The following EXOSC10 variants were observed in gnomAD, a reference collection of about 807,000 sequenced individuals.
EXOSC10 encodes exosome complex component 10.
EXOSC10 carries 94 observed loss-of-function variants against 126.6 expected under a neutral mutation model. That is an observed-to-expected ratio of 0.74 (90% confidence interval 0.63 to 0.88). EXOSC10 has a LOEUF of 0.88. Among genes scored for constraint, EXOSC10 ranks in the 40% least tolerant of loss-of-function variants. The pLI is 0.00. For synonymous variants in EXOSC10, 395 were observed against 400.8 expected (o/e 0.99, Z 0.17); for missense variants, 1,041 against 1,100.5 (o/e 0.95, Z 0.77).
intron 17 of EXOSC10, among the ~76,000 whole-genome samples, chr1:11,076,060 G>C (rs929240949): frequency 2.6e-5 from 4 of 151,530 alleles, no homozygotes; most frequent in Non-Finnish European, 2.9e-5. Flanking sequence ...AGCTACTAGG[G>C]AAGCTGAGGC....
Position 11,077,390 on chromosome 1 carries a change from A to C in EXOSC10, c.1854T>G (p.Asp618Glu). Residue 618 changes from aspartate (D) to glutamate (E), a missense_variant, in exon 16 of 25, where the codon GAT becomes GAG. By Grantham distance (45) the Asp-to-Glu change is conservative. Transcript: ENST00000376936. The stretch of plus-strand genomic sequence containing the variant: ...CACTGGTTGGGATGATTGGATAGCC[A>C]TCCGGAGGGGCATGGGAGCAGTCGT... Reference protein sequence around the residue: ...GPHDCSHAPPDGYPIIPTSGS... With the variant: ...GPHDCSHAPPEGYPIIPTSGS... The C allele has an allele frequency of 3.7e-6, 6 of 1,613,286 alleles. No homozygotes were observed. Among genetic ancestry groups the C allele is most frequent in the Non-Finnish European group, 5.1e-6 (6 of 1,179,342 alleles).
chr1:11,069,499 T>C (rs1639327371), intron 22 of EXOSC10, 60 bp downstream of exon 22: 2 of 1,563,622 alleles, frequency 1.3e-6, no homozygotes, highest in Non-Finnish European at 1.7e-6. Flanking sequence ...GGTCTCTTTA[T>C]GGCTTCCTCC....
chr1:11,094,587 C>A (rs1640968647), intron 3 of EXOSC10, among the ~76,000 whole-genome samples: 1 of 151,044 alleles, frequency 6.6e-6, no homozygotes, highest in Admixed American at 6.6e-5. Context: ...AGGCGTGAAC[C>A]ACCATGCCAG....
intron 24 of EXOSC10, among the ~76,000 whole-genome samples, chr1:11,067,349 G>C (rs1338192640): frequency 6.6e-6 from 1 of 151,752 alleles, no homozygotes; most frequent in Non-Finnish European, 1.5e-5. Flanking sequence ...GGAGAATGGC[G>C]TGAACCCGGG....
At chr1:11,067,292 C>T (rs1639152752) in intron 24 of EXOSC10, among the ~76,000 whole-genome samples, 1 of 152,134 alleles carries the variant, frequency 6.6e-6, no homozygotes, top group Non-Finnish European at 1.5e-5. Context: ...ATTAGCCGGG[C>T]ATCATGGCGG....
intron 3 of EXOSC10, among the ~76,000 whole-genome samples, chr1:11,094,844 C>A (rs185118488): frequency 2.0e-5 from 3 of 152,000 alleles, no homozygotes; most frequent in African/African-American, 7.2e-5. Context: ...CAGGTGATCA[C>A]CCGCCTTGGC....
chr1:11,075,461 C>A (rs995617961), intron 17 of EXOSC10, among the ~76,000 whole-genome samples: 1 of 152,126 alleles, frequency 6.6e-6, no homozygotes, highest in Non-Finnish European at 1.5e-5. Context: ...TGCAGGGAGA[C>A]CACAGCCTCC....
intron 4 of EXOSC10, 58 bp downstream of exon 4, chr1:11,091,435 C>T (rs1253937278): frequency 1.4e-6 from 2 of 1,452,454 alleles, no homozygotes; most frequent in Admixed American, 3.8e-5. Context: ...TTAGAATGAG[C>T]AAAATCTCTG....
intron 3 of EXOSC10, 63 bp downstream of exon 3, chr1:11,095,695 C>T: frequency 6.6e-7 from 1 of 1,510,818 alleles, no homozygotes. Context: ...GCCTGGGCGA[C>T]AGAGCGAGAC....
At position 11,098,111 on chromosome 1, in the gene EXOSC10, G is replaced by A. The variant is rs1253109975; in HGVS notation, c.157C>T (p.Leu53=). The A allele has an allele frequency of 6.2e-7, 1 of 1,612,878 alleles. No individual in the cohort carries two copies. The highest frequency in any genetic ancestry group is 8.5e-7 in the Non-Finnish European group (1 of 1,179,690). The change falls in exon 2 of 25, where the codon CTA becomes TTA. Residue 53 remains leucine, a synonymous_variant. Coordinates refer to ENST00000376936, the MANE Select transcript of EXOSC10 (RefSeq NM_001001998.3). ...VVAVTKASGG[L]PQFGDEYDFY... ...TCATACTCATCGCCAAACTGTGGTA[G>A]GCCCCCAGATGCCTTGGTGACTGCC... is the stretch of plus-strand genomic sequence containing the variant.
In EXOSC10 at chr1:11,066,643, T is replaced by A. The variant is rs1639111618; in HGVS notation, c.*75A>T. 1.3e-6 allele frequency: 2 copies of A among 1,522,946 alleles called. No individual in the cohort carries two copies. Among genetic ancestry groups the A allele is most frequent in the Admixed American group, 1.7e-5 (1 of 59,412 alleles). 94.3% of individuals were successfully genotyped at this position (1,522,946 alleles called of 1,614,324 possible). ...TTTCTTCAGGAAGAATTTTAATGGT[T>A]TAAAAATATGTATGTACAAAAGCAG... is the stretch of plus-strand genomic sequence containing the variant. On this transcript the variant is annotated 3_prime_UTR_variant, in exon 25 of 25. Transcript: ENST00000376936.
intron 2 of EXOSC10, 87 bp from the exon 3 acceptor site, chr1:11,095,968 T>A: frequency 1.1e-5 from 15 of 1,339,888 alleles, no homozygotes; most frequent in Middle Eastern, 1.9e-4. Context: ...ATGATGTGGC[T>A]CAGACTGTTC....
At position 11,080,563 on chromosome 1, in the gene EXOSC10, A is replaced by AAAACAC. The variant is rs763871842; in HGVS notation, c.1587-15_1587-14insGTGTTT. 1.2e-4 allele frequency: 167 copies of AAAACAC among 1,423,194 alleles called. No individual in the cohort carries two copies. The East Asian group carries it at 2.6e-3, about 22-fold the overall frequency. The allele number at this position is 1,423,194 out of a possible 1,614,324, so 88.2% of individuals were successfully genotyped here. On this transcript the variant is annotated splice_polypyrimidine_tract_variant and intron_variant, in intron 12 of 24. Coordinates refer to ENST00000376936, the MANE Select transcript of EXOSC10 (RefSeq NM_001001998.3). The stretch of plus-strand genomic sequence containing the variant: ...GGCAGTACATATCTGGAAAAAAAAA[A>AAAACAC]ACACACACACACACACACACACACA...
intron 6 of EXOSC10, 71 bp from the exon 7 acceptor site, chr1:11,088,269 T>C (rs537665175): frequency 2.7e-6 from 3 of 1,118,042 alleles, no homozygotes; most frequent in South Asian, 2.8e-5. Flanking sequence ...TAATGCCTTT[T>C]ATCCAATCTG....
At chr1:11,068,488 G>A in intron 23 of EXOSC10, 157 bp downstream of exon 23, 2 of 642,272 alleles carry the variant, frequency 3.1e-6, no homozygotes, top group Non-Finnish European at 5.6e-6. Context: ...GAGTTGCTGG[G>A]GTAGCTGATC....
Position 11,077,670 on chromosome 1 carries a change from G to C in EXOSC10, c.1750-19C>G, listed in dbSNP as rs746524992. On this transcript the variant is annotated intron_variant, in intron 14 of 24. Transcript: ENST00000376936. Reference sequence around the variant, plus strand: ...CTTCAGACTAAGGAAAAAAACGAAGGGAATTGAGGAAAGTTGCCCAAGCAC... The same window carrying C: ...CTTCAGACTAAGGAAAAAAACGAAGCGAATTGAGGAAAGTTGCCCAAGCAC... 6.3e-7 allele frequency: 1 copy of C among 1,598,678 alleles called. No individual in the cohort carries two copies. The highest frequency in any genetic ancestry group is 8.6e-7 in the Non-Finnish European group (1 of 1,168,830).
At chr1:11,086,372 T>G (rs1403579627) in intron 9 of EXOSC10, among the ~76,000 whole-genome samples, 1 of 152,214 alleles carries the variant, frequency 6.6e-6, no homozygotes, top group African/African-American at 2.4e-5. Context: ...GTCGAGGAAT[T>G]TATCCATTTC....
Position 11,087,383 on chromosome 1 carries a change from T to C in EXOSC10, c.1089+65A>G, listed in dbSNP as rs1313118720. The C allele has an allele frequency of 5.1e-6, 8 of 1,582,852 alleles. No homozygotes were observed. In the Admixed American group the frequency reaches 6.7e-5, roughly 13 times the overall value. ...GGTCTAGGTTGAAATAATGAAATAG[T>C]ACACTGAAAAGCACTAAAAATCTTG... On this transcript the variant is annotated intron_variant, in intron 9 of 24. Coordinates refer to ENST00000376936, the MANE Select transcript of EXOSC10 (RefSeq NM_001001998.3).
At chr1:11,076,352 A>C (rs906922132) in intron 17 of EXOSC10, among the ~76,000 whole-genome samples, 6 of 152,104 alleles carry the variant, frequency 3.9e-5, no homozygotes, top group Non-Finnish European at 5.9e-5. Context: ...TCTCAAAAAA[A>C]AAAAAAATCA....
Sources: allele counts gnomAD v4.1 joint callset (sites outside exome capture counted in the v4.1 genomes callset), GRCh38; gene constraint gnomAD v4.1.1; transcripts MANE v1.5; gene names NCBI Gene and HGNC (gene_info 2026-07-23, HGNC 2026-07-21).